C6: variants seen among roughly 807,000 people sequenced by gnomAD.
The protein encoded by C6 is complement C6.
C6 carries 101 observed loss-of-function variants against 112.9 expected under a neutral mutation model. That is an observed-to-expected ratio of 0.89 (90% CI 0.76 to 1.06). The LOEUF is 1.06. Ranked by LOEUF, C6 falls within the 50% of genes least tolerant of loss-of-function variation. The probability of loss-of-function intolerance (pLI) is 0.00; values close to 1 mark genes in which losing one functional copy is unlikely to be tolerated. For missense variants in C6, 1,202 were observed against 1,104.6 expected (o/e 1.09, Z -1.25); for synonymous variants, 431 against 384.1 (o/e 1.12, Z -1.43).
chr5:41,234,393 A>G (rs1424591014), intron 1 of C6, among the ~76,000 whole-genome samples: 1 of 139,564 alleles, frequency 7.2e-6, no homozygotes, highest in Admixed American at 7.4e-5. Context: ...AAGATGTTGC[A>G]TAACTTAGGG....
chr5:41,183,691 C>T (rs998212345), intron 6 of C6, among the ~76,000 whole-genome samples: 4 of 152,236 alleles, frequency 2.6e-5, no homozygotes, highest in South Asian at 2.1e-4. Flanking sequence ...GCATGTTTAT[C>T]GCAGTACTAT....
chr5:41,240,562 G>A (rs1256881427), intron 1 of C6, among the ~76,000 whole-genome samples: 1 of 152,200 alleles, frequency 6.6e-6, no homozygotes, highest in African/African-American at 2.4e-5. Flanking sequence ...ATACCCTCAG[G>A]TGGCACATGT....
At chr5:41,175,425 A>C (rs907857169) in intron 8 of C6, among the ~76,000 whole-genome samples, 2 of 152,188 alleles carry the variant, frequency 1.3e-5, no homozygotes, top group African/African-American at 4.8e-5. Flanking sequence ...GGAATTTCCT[A>C]TCACATCCCA....
intron 1 of C6, among the ~76,000 whole-genome samples, chr5:41,251,915 T>C (rs1437441559): frequency 1.3e-5 from 2 of 152,074 alleles, no homozygotes; most frequent in African/African-American, 4.8e-5. Flanking sequence ...GGAAAAGATA[T>C]GGTTGGGAAA....
chr5:41,213,100 T>TG (rs1170393598), intron 1 of C6: 1 of 152,280 alleles, frequency 6.6e-6, no homozygotes, highest in Non-Finnish European at 1.5e-5. Context: ...TCCAGGTGCA[T>TG]GACTGACCTT....
intron 16 of C6, 68 bp from the exon 17 acceptor site, chr5:41,149,550 T>C (rs1304097900): frequency 1.3e-5 from 21 of 1,597,286 alleles, no homozygotes; most frequent in East Asian, 2.2e-5. Flanking sequence ...ACGTAGCCAA[T>C]GTAGTGTGTT....
intron 5 of C6, among the ~76,000 whole-genome samples, chr5:41,189,633 T>A (rs1442940333): frequency 2.0e-5 from 3 of 152,084 alleles, no homozygotes; most frequent in Admixed American, 2.0e-4. Context: ...TTCAAAATTT[T>A]CTCTTCTCGG....
chr5:41,219,263 G>C (rs1398897153), intron 1 of C6, among the ~76,000 whole-genome samples: 1 of 152,078 alleles, frequency 6.6e-6, no homozygotes. Context: ...TATAGAAAAA[G>C]GAAGCTGGAA....
At chr5:41,165,172 A>G (rs138132997) in intron 9 of C6, among the ~76,000 whole-genome samples, 4 of 152,292 alleles carry the variant, frequency 2.6e-5, no homozygotes, top group East Asian at 1.9e-4. Context: ...TAGTTAATTC[A>G]TATCATAATT....
chr5:41,204,838 T>G (rs1014880416), intron 1 of C6, among the ~76,000 whole-genome samples: 2 of 151,792 alleles, frequency 1.3e-5, no homozygotes, highest in Non-Finnish European at 2.9e-5. Context: ...TCCAGCTAAT[T>G]TTTTGAATTT....
intron 9 of C6, among the ~76,000 whole-genome samples, chr5:41,163,053 G>A (rs757635790): frequency 1.1e-4 from 16 of 152,006 alleles, no homozygotes; most frequent in Non-Finnish European, 2.2e-4. Flanking sequence ...TGAAGAAAGA[G>A]TAAGTCTGTT....
At chr5:41,259,824 C>T (rs1741935165) in intron 1 of C6, among the ~76,000 whole-genome samples, 1 of 152,162 alleles carries the variant, frequency 6.6e-6, no homozygotes, top group Admixed American at 6.5e-5. Flanking sequence ...ACACCGTCAG[C>T]TTTCAGCTTT....
Position 41,142,482 on chromosome 5 carries a change from G to T in C6, c.*343C>A. On this transcript the variant is annotated 3_prime_UTR_variant, in exon 18 of 18. Transcript: ENST00000337836. ...ATTAACTCATTGAAGAAAATTATGG[G>T]TTTTATTCTTATTTCTAATTGCGAG... 3.5e-6 allele frequency: 1 copy of T among 286,160 alleles called. No homozygotes were observed. Among genetic ancestry groups the T allele is most frequent in the Non-Finnish European group, 6.8e-6 (1 of 146,754 alleles). The allele number at this position is 286,160 out of a possible 1,614,324, so 17.7% of individuals were successfully genotyped here. A position where few individuals can be genotyped will look rare whatever the true frequency, so the allele number is the denominator to read the frequency against.
intron 9 of C6, among the ~76,000 whole-genome samples, chr5:41,167,886 T>G (rs899027016): frequency 1.3e-5 from 2 of 152,132 alleles, no homozygotes; most frequent in African/African-American, 4.8e-5. Flanking sequence ...TACAGATTCA[T>G]AACTCATTGT....
At chr5:41,187,892 A>T (rs988746485) in intron 5 of C6, among the ~76,000 whole-genome samples, 30 of 152,158 alleles carry the variant, frequency 2.0e-4, no homozygotes, top group African/African-American at 6.8e-4. Context: ...GTATATTTTA[A>T]TTTTATTAAA....
At chr5:41,174,962 TAAC>T (rs1349038424) in intron 8 of C6, among the ~76,000 whole-genome samples, 1 of 152,224 alleles carries the variant, frequency 6.6e-6, no homozygotes, top group Non-Finnish European at 1.5e-5. Flanking sequence ...TGCTTCATTT[TAAC>T]AACAATTAAA....
intron 13 of C6, 61 bp downstream of exon 13, chr5:41,158,613 C>T (rs1747147604): frequency 8.1e-6 from 7 of 863,872 alleles, no homozygotes; most frequent in Non-Finnish European, 1.4e-5. Context: ...AATTAAAAGA[C>T]AAGCTATACT....
chr5:41,165,569 G>C (rs1459893675), intron 9 of C6, among the ~76,000 whole-genome samples: 1 of 151,808 alleles, frequency 6.6e-6, no homozygotes, highest in African/African-American at 2.4e-5. Flanking sequence ...TTTGTGAAGG[G>C]CTTATTCTAT....
At chr5:41,193,933 G>T (rs1750414579) in intron 5 of C6, among the ~76,000 whole-genome samples, 1 of 151,934 alleles carries the variant, frequency 6.6e-6, no homozygotes, top group Non-Finnish European at 1.5e-5. Context: ...GGCAAGGAGA[G>T]GACTGGTTGT....
Sources: gnomAD v4.1 joint callset for allele counts (sites outside exome capture counted in the v4.1 genomes callset) on GRCh38, gnomAD v4.1.1 for gene constraint, MANE v1.5 for transcripts, NCBI Gene and HGNC (gene_info 2026-07-23, HGNC 2026-07-21) for gene names.